The following CREB5 variants were observed in gnomAD, a reference collection of about 807,000 sequenced individuals.
CREB5 encodes cyclic AMP-responsive element-binding protein 5.
In CREB5, 19 loss-of-function variants were observed where a neutral mutation model predicts 57.1. The observed-to-expected ratio is 0.33, with a 90% CI of 0.23 to 0.49. CREB5 has a LOEUF of 0.49. Ranked by LOEUF, CREB5 falls within the 20% of genes least tolerant of loss-of-function variation. CREB5 has a pLI of 0.99. For synonymous variants in CREB5, 238 were observed against 238.3 expected, an observed-to-expected ratio of 1.00 and a Z score of 0.01; for missense variants, 579 against 671.6, an observed-to-expected ratio of 0.86 and a Z score of 1.52.
At chr7:28,738,710 T>C (rs1422537923) in intron 7 of CREB5, among the ~76,000 whole-genome samples, 1 of 152,322 alleles carries the variant, frequency 6.6e-6, no homozygotes, top group East Asian at 1.9e-4. Flanking sequence ...GGGCCTGAGC[T>C]TGTGAGGAAA....
At chr7:28,599,797 C>T (rs183909827) in intron 5 of CREB5, among the ~76,000 whole-genome samples, 152 of 151,824 alleles carry the variant, frequency 1.0e-3, no homozygotes, top group African/African-American at 3.2e-3. Context: ...CTCATCATCA[C>T]GTTGTCCTTT....
intron 5 of CREB5, among the ~76,000 whole-genome samples, chr7:28,613,801 G>A (rs758160014): frequency 1.3e-5 from 2 of 152,144 alleles, no homozygotes; most frequent in Admixed American, 6.5e-5. Context: ...AATGGGTTCA[G>A]GGTGGCTTAG....
At chr7:28,818,863 A>G (rs1034981033) in intron 10 of CREB5, 55 of 571,536 alleles carry the variant, frequency 9.6e-5, no homozygotes, top group Non-Finnish European at 1.7e-4. Context: ...CATATCCATG[A>G]CTGAAACACA....
intron 1 of CREB5, among the ~76,000 whole-genome samples, chr7:28,346,682 G>A (rs1460893473): frequency 6.6e-6 from 1 of 152,154 alleles, no homozygotes; most frequent in African/African-American, 2.4e-5. Context: ...GGAAGCAGGT[G>A]GGACTTTGGG....
In CREB5 at chr7:28,570,498, C is replaced by T; in HGVS notation, c.425C>T (p.Ser142Phe). 6.2e-7 allele frequency: 1 copy of T among 1,614,128 alleles called. No individual in the cohort carries two copies. Among genetic ancestry groups the T allele is most frequent in the Non-Finnish European group, 8.5e-7 (1 of 1,180,008 alleles). ...GCCATGCCGTCGCCTCAGTCCAGCT[C>T]TGTCATCACTCAGGCACCTTCCACC... ...QQAMPSPQSS[S>F]VITQAPSTNR... Residue 142 changes from serine (S) to phenylalanine (F), a missense_variant, in exon 5 of 11, where the codon TCT (serine) becomes TTT (phenylalanine). By Grantham distance (155) the Ser-to-Phe change is radical. Transcript: ENST00000357727.
At position 28,647,478 on chromosome 7, in the gene CREB5, A is replaced by C. The variant is rs115648323; in HGVS notation, c.465-71275A>C. Among the ~76,000 whole-genome samples, 1,423 of 152,224 alleles carry C rather than the reference A, an allele frequency of 9.3e-3. 23 individuals carry two copies. Among genetic ancestry groups the C allele is most frequent in the African/African-American group, 0.033 (1,361 of 41,528 alleles). ...AGATATTTTGCTAATTTCTGGTCCTAAACATGGGAGATAGAAGGCTTGCAG... is the reference window on the plus strand; with the variant it reads ...AGATATTTTGCTAATTTCTGGTCCTCAACATGGGAGATAGAAGGCTTGCAG... On this transcript the variant is annotated intron_variant, in intron 5 of 10. Transcript: ENST00000357727.
rs184692893 is a variant in CREB5, at chr7:28,436,788, G to A, written c.3+23871G>A. On this transcript the variant is annotated intron_variant, in intron 1 of 10. Transcript: ENST00000357727. ...TGAACTAATCATTGCCTCTGATAAA[G>A]GGGACCAGCCCCACATTTCACACCA... Among the ~76,000 whole-genome samples the A allele has an allele frequency of 9.9e-5, 15 of 152,176 alleles. No individual in the cohort carries two copies. The East Asian group carries it at 2.9e-3, about 29-fold the overall frequency.
At chr7:28,395,781 TTTTCTTTC>T (rs529778395) in intron 1 of CREB5, among the ~76,000 whole-genome samples, 15 of 152,220 alleles carry the variant, frequency 9.9e-5, no homozygotes, top group East Asian at 3.9e-4. Context: ...GGAGTTTCTT[TTTTCTTTC>T]TTTCTTTCTT....
chr7:28,712,811 G>C (rs1802473246), intron 5 of CREB5, among the ~76,000 whole-genome samples: 2 of 151,844 alleles, frequency 1.3e-5, no homozygotes, highest in South Asian at 4.2e-4. Context: ...TGGGATTATA[G>C]GTGTGAACCA....
intron 1 of CREB5, among the ~76,000 whole-genome samples, chr7:28,346,183 G>A (rs1417048838): frequency 6.6e-6 from 1 of 152,206 alleles, no homozygotes; most frequent in Non-Finnish European, 1.5e-5. Context: ...GACACCATCT[G>A]TCTTAGTCTA....
chr7:28,731,014 C>G (rs907255853), intron 7 of CREB5, among the ~76,000 whole-genome samples: 10 of 152,222 alleles, frequency 6.6e-5, no homozygotes, highest in African/African-American at 2.4e-4. Flanking sequence ...ATTAAACTCT[C>G]TAGACCTCAT....
chr7:28,487,359 G>A lies in CREB5; in HGVS notation c.4-816G>A, dbSNP rs971385512. Reference sequence around the variant, plus strand: ...CCCAAAGTGCTGGGATTACAGGCATGAGCCACCATGCCTGTCTGATTATAA... The same window carrying A: ...CCCAAAGTGCTGGGATTACAGGCATAAGCCACCATGCCTGTCTGATTATAA... On this transcript the variant is annotated intron_variant, in intron 1 of 10. Transcript: ENST00000357727. 2.0e-5 allele frequency among the ~76,000 whole-genome samples: 3 copies of A among 152,304 alleles called. No homozygotes were observed. The South Asian group carries it at 6.2e-4, about 32-fold the overall frequency.
At chr7:28,657,309 C>A (rs948918261) in intron 5 of CREB5, among the ~76,000 whole-genome samples, 3 of 152,084 alleles carry the variant, frequency 2.0e-5, no homozygotes, top group African/African-American at 7.2e-5. Context: ...ATTCAGGGAC[C>A]AAGCCAGAGC....
chr7:28,620,966 G>T (rs75725067), intron 5 of CREB5, among the ~76,000 whole-genome samples: 1 of 152,102 alleles, frequency 6.6e-6, no homozygotes, highest in Non-Finnish European at 1.5e-5. Flanking sequence ...CCCAAATTTG[G>T]AATTGAATGC....
chr7:28,802,349 C>A (rs1481171720), intron 7 of CREB5, among the ~76,000 whole-genome samples: 4 of 151,920 alleles, frequency 2.6e-5, no homozygotes, highest in African/African-American at 9.7e-5. Flanking sequence ...CAGGTAGAGG[C>A]TCTTTATGTT....
Position 28,512,546 on chromosome 7 carries a change from A to G in CREB5, c.291+4809A>G, listed in dbSNP as rs149837119. Among the ~76,000 whole-genome samples the G allele has an allele frequency of 5.9e-4, 90 of 151,946 alleles. No homozygotes were observed. The Middle Eastern group carries it at 0.017, about 29-fold the overall frequency. Reference sequence around the variant, plus strand: ...AAATATTTTTAAAAACAGAAAAAGAAAAAAAGAGGTGTGTGAATTTTCCTT... The same window carrying G: ...AAATATTTTTAAAAACAGAAAAAGAGAAAAAGAGGTGTGTGAATTTTCCTT... On this transcript the variant is annotated intron_variant, in intron 4 of 10. Transcript: ENST00000357727.
At chr7:28,789,307 G>A (rs780559800) in intron 7 of CREB5, among the ~76,000 whole-genome samples, 29 of 152,134 alleles carry the variant, frequency 1.9e-4, no homozygotes, top group African/African-American at 5.3e-4. Context: ...ATTAAGTTCC[G>A]AAATGAACAA....
chr7:28,580,532 T>A, intron 5 of CREB5, among the ~76,000 whole-genome samples: 1 of 145,832 alleles, frequency 6.9e-6, no homozygotes, highest in African/African-American at 2.6e-5. Context: ...GAGGAGTGAG[T>A]TTGTCGAAAT....
intron 7 of CREB5, among the ~76,000 whole-genome samples, chr7:28,731,055 A>C (rs1475332349): frequency 1.3e-5 from 2 of 152,186 alleles, no homozygotes; most frequent in East Asian, 3.8e-4. Flanking sequence ...GTCTTCTCTA[A>C]ATCTCTGTCT....
Sources: gnomAD v4.1 joint callset for allele counts (sites outside exome capture counted in the v4.1 genomes callset) on GRCh38, gnomAD v4.1.1 for gene constraint, MANE v1.5 for transcripts, NCBI Gene and HGNC (gene_info 2026-07-23, HGNC 2026-07-21) for gene names.